DOK6: variants seen among roughly 807,000 people sequenced by gnomAD.
DOK6 encodes docking protein 6, also known as downstream of tyrosine kinase 6.
In DOK6, 22 loss-of-function variants were observed where a neutral mutation model predicts 44.0. The ratio of observed to expected loss-of-function variants is 0.50; its 90% CI spans 0.36 to 0.71. The LOEUF (loss-of-function observed/expected upper bound fraction) is 0.71. Ranked by LOEUF, DOK6 falls within the 30% of genes least tolerant of loss-of-function variation. The pLI, the probability that DOK6 is intolerant of heterozygous loss-of-function variation, is 0.00. For missense variants in DOK6, 340 were observed against 416.4 expected (o/e 0.82, Z 1.60); for synonymous variants, 166 against 145.5 (o/e 1.14, Z -1.01).
intron 4 of DOK6, among the ~76,000 whole-genome samples, chr18:69,694,968 C>G (rs1986359066): frequency 6.6e-6 from 1 of 152,188 alleles, no homozygotes; most frequent in South Asian, 2.1e-4. Flanking sequence ...AGCCTAAGAA[C>G]TCTTTCTTAC....
At chr18:69,708,759 G>T (rs574048612) in intron 5 of DOK6, among the ~76,000 whole-genome samples, 2 of 147,172 alleles carry the variant, frequency 1.4e-5, no homozygotes, top group Admixed American at 1.4e-4. Context: ...ACTCTAGCCT[G>T]GGTGACAGGG....
intron 1 of DOK6, among the ~76,000 whole-genome samples, chr18:69,549,357 T>A (rs2144587107): frequency 6.6e-6 from 1 of 151,654 alleles, no homozygotes; most frequent in East Asian, 1.9e-4. Context: ...AAATTAACCA[T>A]GCTTTTTTTA....
intron 1 of DOK6, among the ~76,000 whole-genome samples, chr18:69,544,253 A>G (rs1416817374): frequency 3.3e-5 from 5 of 151,534 alleles, no homozygotes; most frequent in Non-Finnish European, 5.9e-5. Context: ...GCAAGACTCC[A>G]TCTCAGAAAA....
At chr18:69,733,079 A>T (rs572656358) in intron 5 of DOK6, among the ~76,000 whole-genome samples, 76 of 152,242 alleles carry the variant, frequency 5.0e-4, no homozygotes, top group South Asian at 1.2e-3. Flanking sequence ...CTGTACAAAC[A>T]GCTACTCAGG....
At chr18:69,766,401 C>T (rs75275142) in intron 7 of DOK6, among the ~76,000 whole-genome samples, 140 of 152,174 alleles carry the variant, frequency 9.2e-4, no homozygotes, top group African/African-American at 3.0e-3. Flanking sequence ...AAAGAAAAGT[C>T]GAAATTGTTT....
rs1301046239 is a variant in DOK6, at chr18:69,497,398, C to T, written c.67-67089C>T. Among the ~76,000 whole-genome samples, 5 of 152,258 alleles carry T rather than the reference C, an allele frequency of 3.3e-5. No individual in the cohort carries two copies. In the East Asian group the frequency reaches 9.7e-4, roughly 29 times the overall value. On this transcript the variant is annotated intron_variant, in intron 1 of 7. Transcript: ENST00000382713. ...CCAATCTCTGGAAACACCCCCCTCTCACACCACCCCAATGCCACGTTTCAC... is the reference window on the plus strand; with the variant it reads ...CCAATCTCTGGAAACACCCCCCTCTTACACCACCCCAATGCCACGTTTCAC...
At chr18:69,568,985 T>C (rs1168849143) in intron 2 of DOK6, among the ~76,000 whole-genome samples, 2 of 152,058 alleles carry the variant, frequency 1.3e-5, no homozygotes, top group Non-Finnish European at 2.9e-5. Context: ...AATGTAATAA[T>C]AGTAGAAATG....
chr18:69,549,678 G>A (rs1354425403), intron 1 of DOK6, among the ~76,000 whole-genome samples: 1 of 151,424 alleles, frequency 6.6e-6, no homozygotes, highest in African/African-American at 2.4e-5. Flanking sequence ...AATGAAGTGA[G>A]AGTTTGTTAA....
intron 2 of DOK6, among the ~76,000 whole-genome samples, chr18:69,588,211 T>A (rs768052677): frequency 3.3e-5 from 5 of 152,182 alleles, no homozygotes; most frequent in Non-Finnish European, 7.3e-5. Flanking sequence ...AGCTCCACTC[T>A]AAGCTTGCTT....
intron 1 of DOK6, among the ~76,000 whole-genome samples, chr18:69,482,050 G>A (rs1980438952): frequency 6.6e-6 from 1 of 152,116 alleles, no homozygotes; most frequent in South Asian, 2.1e-4. Context: ...CATATCCTTT[G>A]CCCAATTTTT....
At chr18:69,647,907 C>T (rs1985125527) in intron 3 of DOK6, among the ~76,000 whole-genome samples, 1 of 152,082 alleles carries the variant, frequency 6.6e-6, no homozygotes, top group South Asian at 2.1e-4. Flanking sequence ...TTAAACAGGA[C>T]CCTGCTAGTG....
chr18:69,737,882 A>T (rs143468943), intron 5 of DOK6, among the ~76,000 whole-genome samples: 67 of 152,324 alleles, frequency 4.4e-4, no homozygotes, highest in Admixed American at 2.6e-4. Flanking sequence ...TCAGATGACT[A>T]TGAACAAAGC....
At chr18:69,538,883 C>T (rs886533201) in intron 1 of DOK6, among the ~76,000 whole-genome samples, 3 of 152,060 alleles carry the variant, frequency 2.0e-5, no homozygotes, top group African/African-American at 7.2e-5. Context: ...TGCCCTTGAT[C>T]CTCCTAGGCT....
rs143819043 is a variant in DOK6, at chr18:69,429,620, C to CATATATATATAT, written c.66+28343_66+28354dup. Among the ~76,000 whole-genome samples, 222 of 105,788 alleles carry CATATATATATAT rather than the reference C, an allele frequency of 2.1e-3. 6 individuals are homozygous for CATATATATATAT. Among genetic ancestry groups the CATATATATATAT allele is most frequent in the Non-Finnish European group, 2.8e-3 (142 of 49,878 alleles). The allele number at this position is 105,788 out of a possible 152,430, so 69.4% of individuals were successfully genotyped here. On this transcript the variant is annotated intron_variant, in intron 1 of 7. Coordinates refer to ENST00000382713, the MANE Select transcript of DOK6 (RefSeq NM_152721.6). ...TCTATAAGGAAAATATTGAGGGATA[C>CATATATATATAT]ATATATATATATATATATATATATA...
At chr18:69,715,438 A>T (rs1986860692) in intron 5 of DOK6, among the ~76,000 whole-genome samples, 1 of 152,212 alleles carries the variant, frequency 6.6e-6, no homozygotes, top group South Asian at 2.1e-4. Flanking sequence ...GTCCCAGGGC[A>T]GGATGCACAC....
chr18:69,625,545 A>G (rs1237755317), intron 3 of DOK6, among the ~76,000 whole-genome samples: 1 of 152,228 alleles, frequency 6.6e-6, no homozygotes, highest in African/African-American at 2.4e-5. Context: ...CTGAAGGTAT[A>G]TAAGGTCAGA....
intron 3 of DOK6, among the ~76,000 whole-genome samples, chr18:69,623,104 C>G (rs1203829824): frequency 6.6e-6 from 1 of 152,238 alleles, no homozygotes; most frequent in East Asian, 1.9e-4. Context: ...CTCAGGAGAT[C>G]TGGTTTGAAA....
intron 1 of DOK6, among the ~76,000 whole-genome samples, chr18:69,561,168 C>T (rs1243849590): frequency 4.6e-5 from 7 of 152,212 alleles, no homozygotes; most frequent in South Asian, 2.1e-4. Context: ...GTAAATCCTC[C>T]GTCTGTTTCT....
intron 7 of DOK6, among the ~76,000 whole-genome samples, chr18:69,796,695 G>A (rs954003971): frequency 2.6e-5 from 4 of 152,196 alleles, no homozygotes; most frequent in Admixed American, 6.6e-5. Context: ...AAATTAGCTC[G>A]TGTGTACAAA....
Sources: gnomAD v4.1 joint callset for allele counts (sites outside exome capture counted in the v4.1 genomes callset) on GRCh38, gnomAD v4.1.1 for gene constraint, MANE v1.5 for transcripts, NCBI Gene and HGNC (gene_info 2026-07-23, HGNC 2026-07-21) for gene names.